Variants in MED13 observed in about 807,000 individuals in gnomAD.
The protein encoded by MED13 is mediator of RNA polymerase II transcription subunit 13.
In MED13, 23 loss-of-function variants were observed where a neutral mutation model predicts 225.2. The observed-to-expected ratio is 0.10, with a 90% CI of 0.07 to 0.14. The LOEUF (loss-of-function observed/expected upper bound fraction) is 0.14. MED13 is among the 10% of genes least tolerant of loss of function. The pLI is 1.00. For missense variants in MED13, 2,197 were observed against 2,594.5 expected, an observed-to-expected ratio of 0.85 and a Z score of 3.33; for synonymous variants, 942 against 889.2, an observed-to-expected ratio of 1.06 and a Z score of -1.06.
At chr17:62,021,189 C>A (rs1246812313) in intron 8 of MED13, among the ~76,000 whole-genome samples, 1 of 151,212 alleles carries the variant, frequency 6.6e-6, no homozygotes, top group African/African-American at 2.4e-5. Flanking sequence ...GGCCCGTTCT[C>A]AATGAGCTGT....
chr17:61,983,257 C>T (rs2143463288), intron 15 of MED13, 143 bp from the exon 16 acceptor site: 2 of 674,532 alleles, frequency 3.0e-6, no homozygotes, highest in South Asian at 4.6e-5. Flanking sequence ...ATTACAAGCA[C>T]AGTCAATTCT....
At chr17:62,000,173 T>C (rs1380735861) in intron 9 of MED13, among the ~76,000 whole-genome samples, 1 of 152,206 alleles carries the variant, frequency 6.6e-6, no homozygotes, top group Non-Finnish European at 1.5e-5. Flanking sequence ...AAACATTTAT[T>C]TACACCAAAC....
intron 6 of MED13, 99 bp from the exon 7 acceptor site, chr17:62,030,112 G>A (rs2080740712): frequency 2.8e-6 from 3 of 1,067,772 alleles, no homozygotes; most frequent in Non-Finnish European, 3.8e-6. Flanking sequence ...AGCTGCTCCA[G>A]CTATCTGGTA....
chr17:61,997,266 C>T lies in MED13; in HGVS notation c.1968-1901G>A, dbSNP rs2080354782. 2.0e-5 allele frequency among the ~76,000 whole-genome samples: 3 copies of T among 152,286 alleles called. No homozygotes were observed. In the South Asian group the frequency reaches 6.2e-4, roughly 32 times the overall value. ...TGCTATCAAATGCTCAAATACATAT[C>T]ATTATTATTCCAAATACGCCCCAGA... On this transcript the variant is annotated intron_variant, in intron 9 of 29. Coordinates refer to ENST00000397786, the MANE Select transcript of MED13 (RefSeq NM_005121.3).
At chr17:61,976,273 C>T (rs1247077183) in intron 16 of MED13, among the ~76,000 whole-genome samples, 1 of 152,066 alleles carries the variant, frequency 6.6e-6, no homozygotes, top group African/African-American at 2.4e-5. Flanking sequence ...ACCTTGAAAA[C>T]ATTATGGAAA....
At chr17:61,971,856 C>T (rs2080112611) in intron 17 of MED13, among the ~76,000 whole-genome samples, 1 of 152,128 alleles carries the variant, frequency 6.6e-6, no homozygotes, top group East Asian at 1.9e-4. Context: ...ATTGTGTGAA[C>T]CCAGGAGGCG....
chr17:62,003,221 C>A (rs1286703249), intron 9 of MED13, among the ~76,000 whole-genome samples: 1 of 152,128 alleles, frequency 6.6e-6, no homozygotes, highest in Non-Finnish European at 1.5e-5. Context: ...TCTTAGTTAA[C>A]ATAGCAGCTA....
At chr17:61,969,459 T>C (rs906556268) in intron 17 of MED13, among the ~76,000 whole-genome samples, 4 of 152,134 alleles carry the variant, frequency 2.6e-5, no homozygotes, top group Admixed American at 1.3e-4. Context: ...GAGGATTACT[T>C]GAGCCCAGGA....
intron 8 of MED13, among the ~76,000 whole-genome samples, chr17:62,028,993 G>A (rs970430764): frequency 5.3e-5 from 8 of 151,728 alleles, no homozygotes; most frequent in Non-Finnish European, 2.9e-5. Context: ...CCCTCTCTAC[G>A]AATTTTTTTT....
chr17:62,029,737 C>A, intron 7 of MED13, 86 bp from the exon 8 acceptor site: 1 of 1,512,036 alleles, frequency 6.6e-7, no homozygotes, highest in South Asian at 1.2e-5. Context: ...TTTTAAAGAT[C>A]AACATTATGA....
intron 2 of MED13, among the ~76,000 whole-genome samples, chr17:62,055,061 T>C (rs1041756115): frequency 3.3e-5 from 5 of 152,318 alleles, no homozygotes; most frequent in Non-Finnish European, 5.9e-5. Flanking sequence ...ATCTGCTTTC[T>C]GGGAGGCTGA....
intron 11 of MED13, among the ~76,000 whole-genome samples, chr17:61,990,514 A>G (rs981709803): frequency 6.6e-6 from 1 of 151,698 alleles, no homozygotes; most frequent in Non-Finnish European, 1.5e-5. Context: ...GTGACACAGA[A>G]TATGAGTAAA....
rs2062326244 is a variant in MED13, at chr17:61,965,222, G to C, written c.4628C>G (p.Ser1543Cys). 6.2e-7 allele frequency: 1 copy of C among 1,614,020 alleles called. No homozygotes were observed. The highest frequency in any genetic ancestry group is 1.7e-5 in the Admixed American group (1 of 59,994). The change falls in exon 20 of 30, where the codon TCC becomes TGC. Residue 1543 changes from serine to cysteine, a missense_variant. By Grantham distance (112) the Ser-to-Cys change is moderately radical. Transcript: ENST00000397786. ...TGATACTCCACTATTCAAGTTGGAGGATGATGAAGATGAAGTTGAAGCTGT... is the reference window on the plus strand; with the variant it reads ...TGATACTCCACTATTCAAGTTGGAGCATGATGAAGATGAAGTTGAAGCTGT... Reference protein sequence around the residue: ...LTTASTSSSSSSNLNSGVSSN... With the variant: ...LTTASTSSSSCSNLNSGVSSN...
At chr17:61,995,127 T>C (rs749824770) in intron 10 of MED13, 25 bp downstream of exon 10, 5 of 1,510,738 alleles carry the variant, frequency 3.3e-6, no homozygotes, top group South Asian at 2.3e-5. Context: ...ACAGTGACCC[T>C]TTGGTGTACT....
At chr17:61,972,260 T>C (rs1023658718) in intron 17 of MED13, among the ~76,000 whole-genome samples, 5 of 152,200 alleles carry the variant, frequency 3.3e-5, no homozygotes, top group African/African-American at 1.2e-4. Context: ...GCATACCTAT[T>C]ATGAGAATTC....
intron 4 of MED13, 46 bp from the exon 5 acceptor site, chr17:62,034,030 T>C (rs755389778): frequency 1.3e-6 from 2 of 1,532,792 alleles, no homozygotes; most frequent in Admixed American, 1.8e-5. Context: ...AAGACTGTTT[T>C]ACCAAATAAG....
Position 61,944,613 on chromosome 17 carries a change from TTA to T in MED13, c.*1853_*1854del, listed in dbSNP as rs1334324895. Reference sequence around the variant, plus strand: ...TTTTCATATACACAATCTGAAGAAGTTATGTTGTTCATAAGAAAGTGATATTT... The same window carrying T: ...TTTTCATATACACAATCTGAAGAAGTTGTTGTTCATAAGAAAGTGATATTT... On this transcript the variant is annotated 3_prime_UTR_variant, in exon 30 of 30. Transcript: ENST00000397786. 6.6e-6 allele frequency: 1 copy of T among 152,116 alleles called. No homozygotes were observed. The highest frequency in any genetic ancestry group is 1.5e-5 in the Non-Finnish European group (1 of 68,024). 9.4% of individuals were successfully genotyped at this position (152,116 alleles called of 1,614,324 possible). A position where few individuals can be genotyped will look rare whatever the true frequency, so the allele number is the denominator to read the frequency against.
In MED13 at chr17:61,945,263, A is replaced by G. The variant is rs1044632377; in HGVS notation, c.*1205T>C. 1 of 152,074 alleles carries G rather than the reference A, an allele frequency of 6.6e-6. No individual in the cohort carries two copies. The highest frequency in any genetic ancestry group is 2.4e-5 in the African/African-American group (1 of 41,394). 9.4% of individuals were successfully genotyped at this position (152,074 alleles called of 1,614,324 possible). On this transcript the variant is annotated 3_prime_UTR_variant, in exon 30 of 30. Transcript: ENST00000397786. ...CATACATATGCATACTCTCACATAC[A>G]TTCCCAATCTTTAATTTAAAAAAAA...
chr17:62,019,192 A>C (rs912909154), intron 8 of MED13, among the ~76,000 whole-genome samples: 19 of 152,268 alleles, frequency 1.2e-4, no homozygotes, highest in Non-Finnish European at 2.1e-4. Context: ...GGCCGAATGC[A>C]GAAGCAGATA....
Sources: allele counts gnomAD v4.1 joint callset (sites outside exome capture counted in the v4.1 genomes callset), GRCh38; gene constraint gnomAD v4.1.1; transcripts MANE v1.5; gene names NCBI Gene and HGNC (gene_info 2026-07-23, HGNC 2026-07-21).